RNF227: variants seen among roughly 807,000 people sequenced by gnomAD.
The protein encoded by RNF227 is ring finger protein 227, also known as long intergenic non-protein coding RNA 2581.
Under a neutral mutation model 4.9 loss-of-function variants are expected in RNF227, and 8 were observed. The ratio of observed to expected loss-of-function variants is 1.65; its 90% CI spans 0.97 to 2.98. The LOEUF (loss-of-function observed/expected upper bound fraction) is 2.98. Among genes scored for constraint, RNF227 ranks in the 30% most tolerant of loss-of-function variants. The pLI is 0.00. For synonymous variants in RNF227, 63 were observed against 28.1 expected, an observed-to-expected ratio of 2.25 and a Z score of -3.94; for missense variants, 136 against 65.4, an observed-to-expected ratio of 2.08 and a Z score of -3.72.
rs1249424052 is a variant in RNF227, at chr17:7,916,120, T to C, written c.76A>G (p.Asn26Asp). The C allele has an allele frequency of 7.6e-6, 3 of 395,322 alleles. No individual in the cohort carries two copies. The highest frequency in any genetic ancestry group is 4.4e-5 in the Admixed American group (1 of 22,556). 24.5% of individuals were successfully genotyped at this position (395,322 alleles called of 1,614,324 possible). The change falls in exon 1 of 2, where the codon AAC (asparagine) becomes GAC (aspartate). Residue 26 changes from asparagine (N) to aspartate (D), a missense_variant. By Grantham distance (23) the Asn-to-Asp change is conservative (BLOSUM62 1). Transcript: ENST00000324348. Reference sequence around the variant, plus strand: ...CGGCGGGGCGCGCGGCACCCGAGGTTGAAAGGACGGTAGCAGATGTTGCAG... The same window carrying C: ...CGGCGGGGCGCGCGGCACCCGAGGTCGAAAGGACGGTAGCAGATGTTGCAG... The part of the protein sequence containing the change: ...LDCNICYRPF[N>D]LGCRAPRRLP...
Position 7,913,458 on chromosome 17 carries a change from C to T in RNF227, c.*2064G>A, listed in dbSNP as rs570523786. 6.6e-6 allele frequency: 1 copy of T among 151,956 alleles called. No homozygotes were observed. Among genetic ancestry groups the T allele is most frequent in the South Asian group, 2.1e-4 (1 of 4,812 alleles). 9.4% of individuals were successfully genotyped at this position (151,956 alleles called of 1,614,324 possible). A position where few individuals can be genotyped will look rare whatever the true frequency, so the allele number is the denominator to read the frequency against. ...AGGGCTTACACTCCAGTGGGGACAC[C>T]CACAAAGCATGAAAATAAAAGCAGT... On this transcript the variant is annotated 3_prime_UTR_variant, in exon 2 of 2. Coordinates refer to ENST00000324348, the MANE Select transcript of RNF227 (RefSeq NM_001358699.2).
Position 7,915,146 on chromosome 17 carries a change from AT to A in RNF227, c.*375del. 2.8e-6 allele frequency: 1 copy of A among 358,252 alleles called. No homozygotes were observed. Among genetic ancestry groups the A allele is most frequent in the South Asian group, 2.4e-5 (1 of 41,528 alleles). The allele number at this position is 358,252 out of a possible 1,614,324, so 22.2% of individuals were successfully genotyped here. On this transcript the variant is annotated 3_prime_UTR_variant, in exon 2 of 2. Coordinates refer to ENST00000324348, the MANE Select transcript of RNF227 (RefSeq NM_001358699.2). ...CCGTTCCATCTTAAAAAAAAAAAAA[AT>A]TCAAACCATTGACAAAGAATTGCTA...
In RNF227 at chr17:7,915,920, C is replaced by G. The variant is rs1415478152; in HGVS notation, c.276G>C (p.Thr92=). The G allele has an allele frequency of 8.6e-6, 6 of 694,272 alleles. No individual in the cohort carries two copies. Among genetic ancestry groups the G allele is most frequent in the Non-Finnish European group, 1.6e-5 (6 of 378,548 alleles). The allele number at this position is 694,272 out of a possible 1,614,324, so 43.0% of individuals were successfully genotyped here. ...APSQLPRGGL[T]EMALDSDLWS... Reference sequence around the variant, plus strand: ...ACAAGTCCGAGTCAAGAGCCATCTCCGTGAGGCCGCCGCGAGGGAGCTGCG... The same window carrying G: ...ACAAGTCCGAGTCAAGAGCCATCTCGGTGAGGCCGCCGCGAGGGAGCTGCG... Residue 92 remains threonine, a synonymous_variant, in exon 1 of 2, where the codon ACG becomes ACC. Coordinates refer to ENST00000324348, the MANE Select transcript of RNF227 (RefSeq NM_001358699.2).
At chr17:7,915,648 T>C in intron 1 of RNF227, 31 bp downstream of exon 1, 1 of 702,288 alleles carries the variant, frequency 1.4e-6, no homozygotes, top group South Asian at 1.5e-5. Flanking sequence ...CGGCGCTCTC[T>C]CCCCTGCATC....
rs1971969567 is a variant in RNF227, at chr17:7,916,170, G to A, written c.26C>T (p.Ser9Phe). The change falls in exon 1 of 2, where the codon TCT (serine) becomes TTT (phenylalanine). Residue 9 changes from serine (S) to phenylalanine (F), a missense_variant. By Grantham distance (155) the Ser-to-Phe change is radical (BLOSUM62 -2). Coordinates refer to ENST00000324348, the MANE Select transcript of RNF227 (RefSeq NM_001358699.2). MQLLVRVP[S>F]LPERGELDCN... ...GTCCAGCTCGCCCCGCTCCGGAAGA[G>A]AGGGTACCCTCACCAAGAGCTGCAT... 1 of 396,756 alleles carries A rather than the reference G, an allele frequency of 2.5e-6. No homozygotes were observed. The highest frequency in any genetic ancestry group is 4.4e-6 in the Non-Finnish European group (1 of 224,892). The allele number at this position is 396,756 out of a possible 1,614,324, so 24.6% of individuals were successfully genotyped here. A position where few individuals can be genotyped will look rare whatever the true frequency, so the allele number is the denominator to read the frequency against.
Position 7,915,808 on chromosome 17 carries a change from C to G in RNF227, c.388G>C (p.Glu130Gln), listed in dbSNP as rs1463421939. 1.4e-6 allele frequency: 1 copy of G among 702,818 alleles called. No individual in the cohort carries two copies. Among genetic ancestry groups the G allele is most frequent in the South Asian group, 1.5e-5 (1 of 67,608 alleles). The allele number at this position is 702,818 out of a possible 1,614,324, so 43.5% of individuals were successfully genotyped here. ...TCGCTCTCCCCTTCTTCCTCCGCCT[C>G]TCCGTCAGCGTCGCTGCTTTCCTTG... is the stretch of plus-strand genomic sequence containing the variant. ...PAKESSDADGEAEEEGESEKG... is the reference protein window; with the variant it reads ...PAKESSDADGQAEEEGESEKG... The change falls in exon 1 of 2, where the codon GAG (glutamate) becomes CAG (glutamine). Residue 130 changes from glutamate (E) to glutamine (Q), a missense_variant. Transcript: ENST00000324348.
In RNF227 at chr17:7,915,237, AAAAC is replaced by A; in HGVS notation, c.*281_*284del. The A allele has an allele frequency of 1.9e-6, 1 of 539,732 alleles. No individual in the cohort carries two copies. Among genetic ancestry groups the A allele is most frequent in the South Asian group, 2.0e-5 (1 of 49,928 alleles). 33.4% of individuals were successfully genotyped at this position (539,732 alleles called of 1,614,324 possible). On this transcript the variant is annotated 3_prime_UTR_variant, in exon 2 of 2. Coordinates refer to ENST00000324348, the MANE Select transcript of RNF227 (RefSeq NM_001358699.2). ...GACAAAAGCCAACGTCCCAGCTAAG[AAAAC>A]AGTCTGTCTTCTTCCCACGGTAACG...
chr17:7,915,793 C>T lies in RNF227; in HGVS notation c.403G>A (p.Gly135Arg), dbSNP rs1244196563. The change falls in exon 1 of 2, where the codon GGG (glycine) becomes AGG (arginine). Residue 135 changes from glycine to arginine, a missense_variant. Transcript: ENST00000324348. ...GGCCCCGCCCCCTTCTCGCTCTCCC[C>T]TTCTTCCTCCGCCTCTCCGTCAGCG... ...SDADGEAEEE[G>R]ESEKGAGPRS... is the part of the protein sequence containing the mutation. 3 of 702,760 alleles carry T rather than the reference C, an allele frequency of 4.3e-6. No individual in the cohort carries two copies. Among genetic ancestry groups the T allele is most frequent in the Non-Finnish European group, 5.2e-6 (2 of 384,766 alleles). The allele number at this position is 702,760 out of a possible 1,614,324, so 43.5% of individuals were successfully genotyped here.
chr17:7,915,612 G>A, intron 1 of RNF227, 35 bp from the exon 2 acceptor site: 1 of 703,010 alleles, frequency 1.4e-6, no homozygotes, highest in South Asian at 1.5e-5. Flanking sequence ...GGCAGCAGGA[G>A]CATGCCAACG....
In RNF227 at chr17:7,915,935, A is replaced by C; in HGVS notation, c.261T>G (p.Pro87=). 1 of 686,916 alleles carries C rather than the reference A, an allele frequency of 1.5e-6. No individual in the cohort carries two copies. Among genetic ancestry groups the C allele is most frequent in the Non-Finnish European group, 2.7e-6 (1 of 373,528 alleles). 42.6% of individuals were successfully genotyped at this position (686,916 alleles called of 1,614,324 possible). ...CPFCRAPSQL[P]RGGLTEMALD... is the part of the protein sequence containing the mutation. ...GAGCCATCTCCGTGAGGCCGCCGCG[A>C]GGGAGCTGCGAGGGCGCGCGGCAGA... is the stretch of plus-strand genomic sequence containing the variant. The change falls in exon 1 of 2, where the codon CCT becomes CCG. Residue 87 remains proline (P), a synonymous_variant. Coordinates refer to ENST00000324348, the MANE Select transcript of RNF227 (RefSeq NM_001358699.2).
rs986799077 is a variant in RNF227 at position 7,915,372 on chromosome 17, T to G, written c.*150A>C. 4.4e-5 allele frequency: 31 copies of G among 701,078 alleles called. No homozygotes were observed. In the African/African-American group the frequency reaches 4.5e-4, roughly 10 times the overall value. The allele number at this position is 701,078 out of a possible 1,614,324, so 43.4% of individuals were successfully genotyped here. ...GTCTAGGAGCCTCCCCAACTCAGCA[T>G]CAACACCTCCCAGGGCGTTCCCTCC... On this transcript the variant is annotated 3_prime_UTR_variant, in exon 2 of 2. Transcript: ENST00000324348.
At position 7,915,138 on chromosome 17, in the gene RNF227, A is replaced by T; in HGVS notation, c.*384T>A. On this transcript the variant is annotated 3_prime_UTR_variant, in exon 2 of 2. Coordinates refer to ENST00000324348, the MANE Select transcript of RNF227 (RefSeq NM_001358699.2). ...CTTCTCTCCCGTTCCATCTTAAAAA[A>T]AAAAAAAATTCAAACCATTGACAAA... 2.8e-6 allele frequency: 1 copy of T among 355,864 alleles called. No homozygotes were observed. 22.0% of individuals were successfully genotyped at this position (355,864 alleles called of 1,614,324 possible). A position where few individuals can be genotyped will look rare whatever the true frequency, so the allele number is the denominator to read the frequency against.
chr17:7,915,883 C>A lies in RNF227; in HGVS notation c.313G>T (p.Glu105Ter). The A allele has an allele frequency of 1.4e-6, 1 of 702,540 alleles. No homozygotes were observed. The highest frequency in any genetic ancestry group is 2.6e-6 in the Non-Finnish European group (1 of 384,690). The allele number at this position is 702,540 out of a possible 1,614,324, so 43.5% of individuals were successfully genotyped here. ...ALDSDLWSRL[E>*]EKARAKCERD... ...TCGCACTTGGCCCGCGCTTTTTCCTCCAATCGCGACCACAAGTCCGAGTCA... is the reference window on the plus strand; with the variant it reads ...TCGCACTTGGCCCGCGCTTTTTCCTACAATCGCGACCACAAGTCCGAGTCA... Residue 105 changes from glutamate to a stop codon, truncating the protein, a stop_gained, in exon 1 of 2, where the codon GAG (glutamate) becomes TAG (stop). Coordinates refer to ENST00000324348, the MANE Select transcript of RNF227 (RefSeq NM_001358699.2). LOFTEE classifies it high-confidence loss of function.
In RNF227 at chr17:7,916,263, C is replaced by G. The variant is rs965885476; in HGVS notation, c.-68G>C. ...TCCGTGAACAGAACGAGCACACTCT[C>G]CTGGGGCCGGGTCGGGTCCTGGGGC... is the stretch of plus-strand genomic sequence containing the variant. On this transcript the variant is annotated 5_prime_UTR_variant, in exon 1 of 2. Transcript: ENST00000324348. The G allele has an allele frequency of 1.3e-4, 47 of 363,490 alleles. No homozygotes were observed. Among genetic ancestry groups the G allele is most frequent in the Middle Eastern group, 7.1e-4 (1 of 1,412 alleles). 22.5% of individuals were successfully genotyped at this position (363,490 alleles called of 1,614,324 possible).
In RNF227 at chr17:7,915,493, C is replaced by G. The variant is rs760217647; in HGVS notation, c.*29G>C. On this transcript the variant is annotated 3_prime_UTR_variant, in exon 2 of 2. Transcript: ENST00000324348. The stretch of plus-strand genomic sequence containing the variant: ...CCCGCGAGGCTGCAGCTCCCACCTT[C>G]CTTCGGCTGTAGCTTCCGAGTTCCT... 16 of 703,064 alleles carry G rather than the reference C, an allele frequency of 2.3e-5. No homozygotes were observed. In the East Asian group the frequency reaches 4.0e-4, roughly 18 times the overall value. 43.6% of individuals were successfully genotyped at this position (703,064 alleles called of 1,614,324 possible). A position where few individuals can be genotyped will look rare whatever the true frequency, so the allele number is the denominator to read the frequency against.
Position 7,915,401 on chromosome 17 carries a change from CT to C in RNF227, c.*120del, listed in dbSNP as rs1285486618. The C allele has an allele frequency of 7.1e-6, 5 of 701,956 alleles. 1 individual carries two copies. The Admixed American group carries it at 1.0e-4, about 14-fold the overall frequency. The allele number at this position is 701,956 out of a possible 1,614,324, so 43.5% of individuals were successfully genotyped here. ...CACCTCCCAGGGCGTTCCCTCCTGC[CT>C]TCGGCTCATCTCTCTCATCACATGC... On this transcript the variant is annotated 3_prime_UTR_variant, in exon 2 of 2. Transcript: ENST00000324348.
chr17:7,915,594 G>T lies in RNF227; in HGVS notation c.518-17C>A. 1 of 703,104 alleles carries T rather than the reference G, an allele frequency of 1.4e-6. No homozygotes were observed. The highest frequency in any genetic ancestry group is 1.5e-5 in the South Asian group (1 of 67,608). The allele number at this position is 703,104 out of a possible 1,614,324, so 43.6% of individuals were successfully genotyped here. On this transcript the variant is annotated splice_polypyrimidine_tract_variant and intron_variant, in intron 1 of 1. Coordinates refer to ENST00000324348, the MANE Select transcript of RNF227 (RefSeq NM_001358699.2). The stretch of plus-strand genomic sequence containing the variant: ...AGTAGAGCACTGGGGGAAAGAAGAA[G>T]GGTTAGTGGCAGCAGGAGCATGCCA...
rs1250847485 is a variant in RNF227, at chr17:7,916,037, G to C, written c.159C>G (p.Arg53=). Residue 53 remains arginine (R), a synonymous_variant, in exon 1 of 2, where the codon CGC becomes CGG. Transcript: ENST00000324348. Reference sequence around the variant, plus strand: ...CGCCGTCCCCGCGCGCCGCCAGCTCGCGGAGGCAGGCGGTGCAGATCGTGT... The same window carrying C: ...CGCCGTCCCCGCGCGCCGCCAGCTCCCGGAGGCAGGCGGTGCAGATCGTGT... ...CGHTICTACL[R]ELAARGDGGG... is the part of the protein sequence containing the mutation. The C allele has an allele frequency of 1.1e-5, 4 of 355,714 alleles. No homozygotes were observed. Among genetic ancestry groups the C allele is most frequent in the Non-Finnish European group, 2.0e-5 (4 of 199,530 alleles). 22.0% of individuals were successfully genotyped at this position (355,714 alleles called of 1,614,324 possible). A position where few individuals can be genotyped will look rare whatever the true frequency, so the allele number is the denominator to read the frequency against.
At position 7,916,178 on chromosome 17, in the gene RNF227, C is replaced by T. The variant is rs551680158; in HGVS notation, c.18G>A (p.Arg6=). The change falls in exon 1 of 2, where the codon AGG becomes AGA. Residue 6 remains arginine (R), a synonymous_variant. Coordinates refer to ENST00000324348, the MANE Select transcript of RNF227 (RefSeq NM_001358699.2). ...CGCCCCGCTCCGGAAGAGAGGGTACCCTCACCAAGAGCTGCATCGTGCCCG... is the reference window on the plus strand; with the variant it reads ...CGCCCCGCTCCGGAAGAGAGGGTACTCTCACCAAGAGCTGCATCGTGCCCG... MQLLV[R]VPSLPERGEL... The T allele has an allele frequency of 8.1e-5, 32 of 396,018 alleles. No individual in the cohort carries two copies. The highest frequency in any genetic ancestry group is 6.4e-4 in the African/African-American group (31 of 48,646). The allele number at this position is 396,018 out of a possible 1,614,324, so 24.5% of individuals were successfully genotyped here. A position where few individuals can be genotyped will look rare whatever the true frequency, so the allele number is the denominator to read the frequency against.
Sources: gnomAD v4.1 joint callset for allele counts on GRCh38, gnomAD v4.1.1 for gene constraint, MANE v1.5 for transcripts, NCBI Gene and HGNC (gene_info 2026-07-23, HGNC 2026-07-21) for gene names.